ATP13A4: variants seen among roughly 807,000 people sequenced by gnomAD.
The protein encoded by ATP13A4 is probable cation-transporting ATPase 13A4.
In ATP13A4, 114 loss-of-function variants were observed where a neutral mutation model predicts 142.5. The ratio of observed to expected loss-of-function variants is 0.80; its 90% CI spans 0.69 to 0.93. ATP13A4 has a LOEUF of 0.93. Among genes scored for constraint, ATP13A4 ranks in the 40% least tolerant of loss-of-function variants. The probability of loss-of-function intolerance (pLI) is 0.00; values close to 1 mark genes in which losing one functional copy is unlikely to be tolerated. For missense variants in ATP13A4, 1,392 were observed against 1,454.0 expected (o/e 0.96, Z 0.69); for synonymous variants, 488 against 514.8 (o/e 0.95, Z 0.70).
chr3:193,556,195 G>A (rs560358672), upstream of ATP13A4, among the ~76,000 whole-genome samples: 6 of 152,200 alleles, frequency 3.9e-5, no homozygotes, highest in South Asian at 6.2e-4. Context: ...TAGAACCTAC[G>A]TCCTAAAACA....
intron 1 of ATP13A4, among the ~76,000 whole-genome samples, chr3:193,523,977 CT>C (rs36004583): frequency 6.6e-6 from 1 of 152,140 alleles, no homozygotes; most frequent in Admixed American, 6.5e-5. Flanking sequence ...TTGCCATGAT[CT>C]TTTTTCCCAT....
intron 25 of ATP13A4, among the ~76,000 whole-genome samples, chr3:193,422,044 T>C (rs966698158): frequency 1.3e-5 from 2 of 149,618 alleles, no homozygotes; most frequent in Non-Finnish European, 3.0e-5. Context: ...ATAATGCCTA[T>C]AAAAGACTCA....
chr3:193,444,649 G>A (rs9823255), intron 18 of ATP13A4, among the ~76,000 whole-genome samples: 70,298 of 152,062 alleles, frequency 0.46, 17,272 homozygotes, highest in Non-Finnish European at 0.56. Context: ...TAGTTATGAC[G>A]ATAATAACAT....
At chr3:193,558,199 G>A (rs1723944030), upstream of ATP13A4, among the ~76,000 whole-genome samples, 1 of 152,214 alleles carries the variant, frequency 6.6e-6, no homozygotes, top group Non-Finnish European at 1.5e-5. Context: ...TATGTAGACA[G>A]TTTTCTTGAA....
chr3:193,465,376 C>T (rs553491000), intron 11 of ATP13A4, among the ~76,000 whole-genome samples: 8 of 152,184 alleles, frequency 5.3e-5, no homozygotes, highest in Middle Eastern at 3.4e-3. Context: ...TTAGTAGAGA[C>T]GGGGTTTTGC....
chr3:193,583,219 G>C (rs1724604895), intron 1 of ATP13A4, among the ~76,000 whole-genome samples: 1 of 151,602 alleles, frequency 6.6e-6, no homozygotes, highest in Admixed American at 6.6e-5. Flanking sequence ...GATCACCTGA[G>C]ATCAGGAGTT....
At chr3:193,507,136 A>G (rs1217742112) in intron 2 of ATP13A4, among the ~76,000 whole-genome samples, 2 of 152,172 alleles carry the variant, frequency 1.3e-5, no homozygotes, top group African/African-American at 2.4e-5. Flanking sequence ...CAAAGTTCCA[A>G]TGAGACATTA....
chr3:193,447,159 T>C (rs1271782341), intron 18 of ATP13A4, among the ~76,000 whole-genome samples: 2 of 152,088 alleles, frequency 1.3e-5, no homozygotes, highest in Non-Finnish European at 2.9e-5. Flanking sequence ...AAATCTAAGT[T>C]AAGGATAGAT....
Position 193,462,945 on chromosome 3 carries a change from G to A in ATP13A4, c.1462-122C>T, listed in dbSNP as rs568206175. 1.9e-4 allele frequency: 174 copies of A among 917,502 alleles called. 2 individuals are homozygous for A. In the East Asian group the frequency reaches 4.2e-3, roughly 22 times the overall value. 56.8% of individuals were successfully genotyped at this position (917,502 alleles called of 1,614,324 possible). ...GGATCACTTGAACTCAGGAGTTTAAGACCAGCCTGGGCAACATAATGAAAC... is the reference window on the plus strand; with the variant it reads ...GGATCACTTGAACTCAGGAGTTTAAAACCAGCCTGGGCAACATAATGAAAC... On this transcript the variant is annotated intron_variant, in intron 12 of 29. Transcript: ENST00000342695.
intron 13 of ATP13A4, among the ~76,000 whole-genome samples, chr3:193,459,495 T>C (rs1326537048): frequency 1.3e-5 from 2 of 152,192 alleles, no homozygotes; most frequent in Non-Finnish European, 2.9e-5. Context: ...AGGAGGACAG[T>C]GGCGTGATCT....
At chr3:193,541,767 G>A (rs1722944449) in intron 1 of ATP13A4, among the ~76,000 whole-genome samples, 1 of 152,198 alleles carries the variant, frequency 6.6e-6, no homozygotes, top group African/African-American at 2.4e-5. Context: ...AACAAGCATA[G>A]TATTCCAATG....
chr3:193,407,500 A>T, intron 28 of ATP13A4, 107 bp from the exon 29 acceptor site: 1 of 798,694 alleles, frequency 1.3e-6, no homozygotes, highest in Non-Finnish European at 2.1e-6. Flanking sequence ...CTCATATGTA[A>T]TATATATGTG....
intron 9 of ATP13A4, 74 bp downstream of exon 9, chr3:193,470,785 A>AG: frequency 6.2e-7 from 1 of 1,602,970 alleles, no homozygotes. Flanking sequence ...GTAGAGGAGG[A>AG]GGCGTAGGGA....
intron 17 of ATP13A4, among the ~76,000 whole-genome samples, chr3:193,449,837 C>A (rs951392243): frequency 6.6e-6 from 1 of 152,174 alleles, no homozygotes; most frequent in Non-Finnish European, 1.5e-5. Flanking sequence ...TCATTGCTCC[C>A]AGACAGACGT....
At chr3:193,480,617 A>C (rs915537937) in intron 8 of ATP13A4, among the ~76,000 whole-genome samples, 3 of 152,162 alleles carry the variant, frequency 2.0e-5, no homozygotes, top group Non-Finnish European at 4.4e-5. Context: ...TAATCAAAAA[A>C]TCAAAAAATA....
chr3:193,556,911 T>C (rs531737702), upstream of ATP13A4, among the ~76,000 whole-genome samples: 1 of 151,638 alleles, frequency 6.6e-6, no homozygotes, highest in African/African-American at 2.4e-5. Context: ...CTGATGGAGG[T>C]TGAGGAGTGT....
intron 14 of ATP13A4, 46 bp downstream of exon 14, chr3:193,459,035 T>C (rs1717795880): frequency 6.2e-7 from 1 of 1,609,758 alleles, no homozygotes; most frequent in African/African-American, 1.3e-5. Context: ...TATGTTGCTC[T>C]GGCATTGAAG....
At chr3:193,544,398 T>C (rs1723111623) in intron 1 of ATP13A4, among the ~76,000 whole-genome samples, 1 of 151,730 alleles carries the variant, frequency 6.6e-6, no homozygotes, top group Admixed American at 6.6e-5. Flanking sequence ...AGGGAGAATA[T>C]GAATATTGAC....
intron 27 of ATP13A4, among the ~76,000 whole-genome samples, chr3:193,411,772 C>A (rs749061164): frequency 2.0e-5 from 3 of 152,162 alleles, no homozygotes; most frequent in Non-Finnish European, 4.4e-5. Flanking sequence ...TAGCAGCCTG[C>A]CACCACACAA....
Sources: allele counts gnomAD v4.1 joint callset (sites outside exome capture counted in the v4.1 genomes callset), GRCh38; gene constraint gnomAD v4.1.1; transcripts MANE v1.5; gene names NCBI Gene and HGNC (gene_info 2026-07-23, HGNC 2026-07-21).